RBFOX1: variants seen among roughly 807,000 people sequenced by gnomAD.
RBFOX1 encodes RNA binding protein fox-1 homolog 1.
In RBFOX1, 8 loss-of-function variants were observed where a neutral mutation model predicts 57.7. That is an observed-to-expected ratio of 0.14 (90% CI 0.08 to 0.25). RBFOX1 has a LOEUF of 0.25. Among genes scored for constraint, RBFOX1 ranks in the 10% least tolerant of loss-of-function variants. The probability of loss-of-function intolerance (pLI) is 1.00; values close to 1 mark genes in which losing one functional copy is unlikely to be tolerated. For synonymous variants in RBFOX1, 326 were observed against 222.4 expected (o/e 1.47, Z -4.15); for missense variants, 611 against 548.5 (o/e 1.11, Z -1.14).
chr16:5,510,245 G>C (rs550171970), intron 2 of RBFOX1, among the ~76,000 whole-genome samples: 1 of 152,244 alleles, frequency 6.6e-6, no homozygotes, highest in Non-Finnish European at 1.5e-5. Flanking sequence ...GGCTTCAGCA[G>C]CCGTCACTTA....
chr16:6,637,135 TTAAA>T (rs1449198975), intron 2 of RBFOX1, among the ~76,000 whole-genome samples: 4 of 95,256 alleles, frequency 4.2e-5, no homozygotes, highest in African/African-American at 1.8e-4. Context: ...ATATTATATA[TTAAA>T]TATATAATAT....
chr16:6,965,424 C>A (rs928646139), intron 3 of RBFOX1, among the ~76,000 whole-genome samples: 1 of 151,748 alleles, frequency 6.6e-6, no homozygotes, highest in Non-Finnish European at 1.5e-5. Context: ...CTTACTGCAG[C>A]CTCCCGGGTT....
At chr16:6,079,685 A>C (rs1031673363) in intron 1 of RBFOX1, among the ~76,000 whole-genome samples, 2 of 152,126 alleles carry the variant, frequency 1.3e-5, no homozygotes, top group Non-Finnish European at 2.9e-5. Context: ...AAAATAAATA[A>C]GTTAGCCAGG....
intron 3 of RBFOX1, among the ~76,000 whole-genome samples, chr16:5,710,662 G>A (rs550466619): frequency 6.6e-6 from 1 of 152,202 alleles, no homozygotes; most frequent in Non-Finnish European, 1.5e-5. Flanking sequence ...AGTGGAGTGA[G>A]TGAAGGAATT....
intron 3 of RBFOX1, among the ~76,000 whole-genome samples, chr16:6,922,444 C>G (rs986981567): frequency 6.6e-6 from 1 of 152,168 alleles, no homozygotes; most frequent in African/African-American, 2.4e-5. Flanking sequence ...TCCAGGCTGT[C>G]TTGCCTCTTC....
chr16:6,286,486 A>G (rs2076919498), intron 1 of RBFOX1, among the ~76,000 whole-genome samples: 1 of 152,172 alleles, frequency 6.6e-6, no homozygotes, highest in South Asian at 2.1e-4. Context: ...AAGTACTAGT[A>G]CCTACCTTGC....
rs529957029 is a variant in RBFOX1 at position 6,374,583 on chromosome 16, T to C, written c.-64+57526T>C. On this transcript the variant is annotated intron_variant, in intron 2 of 15. Transcript: ENST00000550418. ...AGAAGAGAAGACAAATGCTGTGTAATGTACATAAGAACAAGAAGACGTTAC... is the reference window on the plus strand; with the variant it reads ...AGAAGAGAAGACAAATGCTGTGTAACGTACATAAGAACAAGAAGACGTTAC... Among the ~76,000 whole-genome samples the C allele has an allele frequency of 6.6e-5, 10 of 152,328 alleles. 1 individual carries two copies. The South Asian group carries it at 8.3e-4, about 13-fold the overall frequency.
chr16:7,705,249 G>GT (rs2082060376), intron 14 of RBFOX1, among the ~76,000 whole-genome samples: 1 of 152,162 alleles, frequency 6.6e-6, no homozygotes, highest in South Asian at 2.1e-4. Flanking sequence ...GCTCATGCGT[G>GT]TAATCCCAGC....
chr16:6,500,875 A>AG (rs2095890277), intron 2 of RBFOX1, among the ~76,000 whole-genome samples: 1 of 21,630 alleles, frequency 4.6e-5, no homozygotes, highest in Non-Finnish European at 1.8e-4. Context: ...CTTGGGGAGT[A>AG]GTTTTTTTTT....
intron 11 of RBFOX1, among the ~76,000 whole-genome samples, chr16:7,649,024 C>G (rs375582566): frequency 1.3e-5 from 2 of 152,070 alleles, no homozygotes; most frequent in African/African-American, 4.8e-5. Context: ...GGTTCCTATC[C>G]AGACCCTAAG....
chr16:5,398,511 G>A (rs541889460), intron 1 of RBFOX1, among the ~76,000 whole-genome samples: 1 of 152,028 alleles, frequency 6.6e-6, no homozygotes, highest in African/African-American at 2.4e-5. Context: ...CATGTGAGCA[G>A]GTGTGCATGC....
chr16:6,505,115 A>C (rs775244371), intron 2 of RBFOX1, among the ~76,000 whole-genome samples: 3 of 152,046 alleles, frequency 2.0e-5, no homozygotes, highest in Admixed American at 2.0e-4. Flanking sequence ...AGTCTACTCA[A>C]ATTATTTTTT....
intron 3 of RBFOX1, among the ~76,000 whole-genome samples, chr16:6,756,573 C>G (rs1030207472): frequency 6.6e-6 from 1 of 152,166 alleles, no homozygotes; most frequent in Non-Finnish European, 1.5e-5. Context: ...TCAGTCAACT[C>G]ATATCCAGAA....
At chr16:7,454,579 C>G (rs2058097290) in intron 4 of RBFOX1, among the ~76,000 whole-genome samples, 2 of 152,086 alleles carry the variant, frequency 1.3e-5, no homozygotes, top group African/African-American at 4.8e-5. Flanking sequence ...TGTCCCCTAC[C>G]TTGGTGCATG....
At chr16:5,620,659 C>A (rs191212152) in intron 3 of RBFOX1, among the ~76,000 whole-genome samples, 257 of 151,856 alleles carry the variant, frequency 1.7e-3, no homozygotes, top group African/African-American at 6.0e-3. Context: ...TTAGGGCCAC[C>A]CTAATCTCAT....
At chr16:6,875,614 G>T (rs2061693789) in intron 3 of RBFOX1, among the ~76,000 whole-genome samples, 1 of 152,216 alleles carries the variant, frequency 6.6e-6, no homozygotes, top group Non-Finnish European at 1.5e-5. Flanking sequence ...AGCAGAGAAG[G>T]TTAGAGTTGA....
intron 4 of RBFOX1, among the ~76,000 whole-genome samples, chr16:7,153,068 G>A (rs770054403): frequency 5.3e-5 from 8 of 152,126 alleles, no homozygotes; most frequent in Non-Finnish European, 1.2e-4. Context: ...ACCATGGCAT[G>A]GTCTAATATT....
chr16:7,531,411 T>C (rs181374564), intron 5 of RBFOX1, among the ~76,000 whole-genome samples: 3 of 152,288 alleles, frequency 2.0e-5, no homozygotes, highest in Non-Finnish European at 4.4e-5. Flanking sequence ...ATTGAATTTT[T>C]ACAGCATCCA....
chr16:6,433,817 T>C (rs1015656962), intron 2 of RBFOX1, among the ~76,000 whole-genome samples: 3 of 150,648 alleles, frequency 2.0e-5, no homozygotes, highest in African/African-American at 7.3e-5. Flanking sequence ...CACCTCCTTT[T>C]CCTCTAGCTC....
Sources: gnomAD v4.1 joint callset for allele counts (sites outside exome capture counted in the v4.1 genomes callset) on GRCh38, gnomAD v4.1.1 for gene constraint, MANE v1.5 for transcripts, NCBI Gene and HGNC (gene_info 2026-07-23, HGNC 2026-07-21) for gene names.